Variants in TMEM192 observed in about 807,000 individuals in gnomAD.
TMEM192 encodes the protein transmembrane protein 192.
Under a neutral mutation model 26.7 loss-of-function variants are expected in TMEM192, and 20 were observed. That is an observed-to-expected ratio of 0.75 (90% CI 0.53 to 1.09). TMEM192 has a LOEUF of 1.09. Among genes scored for constraint, TMEM192 ranks in the 50% least tolerant of loss-of-function variants. The probability of loss-of-function intolerance (pLI) is 0.00; values close to 1 mark genes in which losing one functional copy is unlikely to be tolerated. For missense variants in TMEM192, 304 were observed against 322.6 expected, an observed-to-expected ratio of 0.94 and a Z score of 0.44; for synonymous variants, 124 against 121.0, an observed-to-expected ratio of 1.02 and a Z score of -0.16.
At chr4:165,090,707 G>C (rs1338178394) in intron 3 of TMEM192, among the ~76,000 whole-genome samples, 2 of 151,670 alleles carry the variant, frequency 1.3e-5, no homozygotes, top group African/African-American at 2.4e-5. Flanking sequence ...GAGTTCGAGA[G>C]CAGCATGGCC....
At position 165,075,749 on chromosome 4, in the gene TMEM192, T is replaced by C. The variant is rs1734364163; in HGVS notation, c.*3909A>G. The C allele has an allele frequency of 6.6e-6, 1 of 151,860 alleles. No homozygotes were observed. The highest frequency in any genetic ancestry group is 6.6e-5 in the Admixed American group (1 of 15,216). The allele number at this position is 151,860 out of a possible 1,614,324, so 9.4% of individuals were successfully genotyped here. On this transcript the variant is annotated 3_prime_UTR_variant, in exon 6 of 6. Transcript: ENST00000306480. ...CACACCTGGCTGATATTTGTATTCT[T>C]AGTAGAGATGGGGTTTCACCATCTT... is the stretch of plus-strand genomic sequence containing the variant.
chr4:165,112,820 C>G lies in TMEM192; in HGVS notation c.-47G>C. 6.3e-7 allele frequency: 1 copy of G among 1,595,828 alleles called. No homozygotes were observed. Among genetic ancestry groups the G allele is most frequent in the Non-Finnish European group, 8.5e-7 (1 of 1,175,610 alleles). On this transcript the variant is annotated 5_prime_UTR_variant, in exon 1 of 6. Transcript: ENST00000306480. Reference sequence around the variant, plus strand: ...GCCCTGGCCAGCCCGGCCTCTCCACCTGGACCTGTAAGCCTCTGGCCGCGA... The same window carrying G: ...GCCCTGGCCAGCCCGGCCTCTCCACGTGGACCTGTAAGCCTCTGGCCGCGA...
intron 4 of TMEM192, 63 bp from the exon 5 acceptor site, chr4:165,085,751 A>G: frequency 8.1e-7 from 1 of 1,230,262 alleles, no homozygotes; most frequent in Non-Finnish European, 1.2e-6. Context: ...CATTTTTTCA[A>G]ATTATGCTAA....
chr4:165,086,826 C>G (rs912384938), intron 4 of TMEM192, among the ~76,000 whole-genome samples: 1 of 150,828 alleles, frequency 6.6e-6, no homozygotes, highest in Non-Finnish European at 1.5e-5. Context: ...CAAGGAGAAC[C>G]TTTCAGGCTG....
chr4:165,103,664 C>T (rs1007730455), intron 1 of TMEM192, among the ~76,000 whole-genome samples: 18 of 152,048 alleles, frequency 1.2e-4, no homozygotes, highest in Admixed American at 8.5e-4. Context: ...TACAGGCATG[C>T]ACCACCACAC....
At chr4:165,099,110 T>C (rs548748807) in intron 3 of TMEM192, among the ~76,000 whole-genome samples, 14 of 148,700 alleles carry the variant, frequency 9.4e-5, no homozygotes, top group South Asian at 4.2e-4. Context: ...TTCTTTTTTT[T>C]TTTTTTTTTT....
At chr4:165,099,498 CAT>C (rs1734989640) in intron 3 of TMEM192, among the ~76,000 whole-genome samples, 1 of 152,188 alleles carries the variant, frequency 6.6e-6, no homozygotes, top group Non-Finnish European at 1.5e-5. Context: ...TTCTAAGTCT[CAT>C]GTGGACCTTC....
At position 165,103,002 on chromosome 4, in the gene TMEM192, C is replaced by T. The variant is rs199995966; in HGVS notation, c.122G>A (p.Arg41Gln). The T allele has an allele frequency of 3.6e-5, 58 of 1,613,204 alleles. 1 individual carries two copies. The East Asian group carries it at 6.7e-4, about 19-fold the overall frequency. ...GATGACTGTAGGAAGAGGATGGAAT[C>T]GGGGTCTAAAGTGAGCTTGTAATGA... ...HHSLQAHFRP[R>Q]FHPLPTVIIV... The change falls in exon 2 of 6, where the codon CGA becomes CAA. Residue 41 changes from arginine (R) to glutamine (Q), a missense_variant. Physicochemically the swap from Arg to Gln is conservative, Grantham distance 43. Transcript: ENST00000306480.
chr4:165,087,599 G>A (rs79252392), intron 4 of TMEM192, among the ~76,000 whole-genome samples: 1,652 of 152,264 alleles, frequency 0.011, 7 homozygotes, highest in South Asian at 0.034. Context: ...TGATCTTGTT[G>A]GTGCCTGTGG....
intron 5 of TMEM192, among the ~76,000 whole-genome samples, chr4:165,080,966 C>T (rs1365900169): frequency 6.6e-6 from 1 of 152,136 alleles, no homozygotes; most frequent in Non-Finnish European, 1.5e-5. Context: ...CTGCCCGCCT[C>T]AGCTTCCCAA....
At chr4:165,094,928 C>T (rs1173016160) in intron 3 of TMEM192, among the ~76,000 whole-genome samples, 4 of 151,460 alleles carry the variant, frequency 2.6e-5, no homozygotes, top group East Asian at 1.9e-4. Flanking sequence ...GAGCCAAGAT[C>T]GCACCACTGC....
intron 2 of TMEM192, 133 bp downstream of exon 2, chr4:165,102,817 A>C (rs6536891): frequency 0.99 from 525,201 of 529,618 alleles, 260,565 homozygotes; most frequent in East Asian, 1. Context: ...ATGACACAGC[A>C]CTCAGGATGT....
chr4:165,104,439 AGTAATCTAGG>A (rs1209003790), intron 1 of TMEM192, among the ~76,000 whole-genome samples: 2 of 152,236 alleles, frequency 1.3e-5, no homozygotes, highest in African/African-American at 2.4e-5. Flanking sequence ...AGATAAGGAC[AGTAATCTAGG>A]GTGTAACCTA....
intron 1 of TMEM192, among the ~76,000 whole-genome samples, 174 bp from the exon 2 acceptor site, chr4:165,103,270 TA>T (rs1295564525): frequency 2.0e-5 from 3 of 152,102 alleles, no homozygotes; most frequent in Non-Finnish European, 4.4e-5. Context: ...TTTAATTAAT[TA>T]AAAAATTAAT....
intron 1 of TMEM192, among the ~76,000 whole-genome samples, chr4:165,112,113 G>C (rs958043398): frequency 1.3e-5 from 2 of 152,094 alleles, no homozygotes; most frequent in Non-Finnish European, 2.9e-5. Context: ...TGGTAATCTG[G>C]TTTGAATCTA....
intron 3 of TMEM192, among the ~76,000 whole-genome samples, chr4:165,095,431 C>T (rs1329839692): frequency 1.3e-5 from 2 of 152,128 alleles, no homozygotes; most frequent in Non-Finnish European, 2.9e-5. Context: ...AGTGAGGACT[C>T]CAGCAGGCAT....
intron 1 of TMEM192, among the ~76,000 whole-genome samples, chr4:165,104,570 G>A (rs11100599): frequency 0.14 from 21,077 of 152,030 alleles, 3,018 homozygotes; most frequent in African/African-American, 0.36. Flanking sequence ...TCGCTCTGTC[G>A]CCGAGGCTGG....
rs1438622687 is a variant in TMEM192, at chr4:165,075,878, AT to A, written c.*3779del. ...CTACCACACCCGACCCAAATTTTTAATATTTTTGTACTAAAAAATAGTGGCA... is the reference window on the plus strand; with the variant it reads ...CTACCACACCCGACCCAAATTTTTAAATTTTTGTACTAAAAAATAGTGGCA... On this transcript the variant is annotated 3_prime_UTR_variant, in exon 6 of 6. Coordinates refer to ENST00000306480, the MANE Select transcript of TMEM192 (RefSeq NM_001100389.2). 3 of 152,086 alleles carry A rather than the reference AT, an allele frequency of 2.0e-5. No individual in the cohort carries two copies. The highest frequency in any genetic ancestry group is 4.4e-5 in the Non-Finnish European group (3 of 68,120). The allele number at this position is 152,086 out of a possible 1,614,324, so 9.4% of individuals were successfully genotyped here.
intron 3 of TMEM192, among the ~76,000 whole-genome samples, chr4:165,096,212 A>C (rs749846354): frequency 4.7e-4 from 71 of 151,898 alleles, no homozygotes; most frequent in Non-Finnish European, 7.9e-4. Context: ...GTTCGAGACC[A>C]GCCTGGCCAA....
Sources: gnomAD v4.1 joint callset for allele counts (sites outside exome capture counted in the v4.1 genomes callset) on GRCh38, gnomAD v4.1.1 for gene constraint, MANE v1.5 for transcripts, NCBI Gene and HGNC (gene_info 2026-07-23, HGNC 2026-07-21) for gene names.